Variants in SHOC1 observed in about 807,000 individuals in gnomAD.
The protein encoded by SHOC1 is shortage in chiasmata 1, also known as protein shortage in chiasmata 1 ortholog.
A neutral mutation model predicts 179.2 loss-of-function variants in SHOC1; 136 were observed. The ratio of observed to expected loss-of-function variants is 0.76; its 90% confidence interval spans 0.66 to 0.87. The LOEUF (loss-of-function observed/expected upper bound fraction) is 0.87, where lower values mean the gene tolerates loss of function less well. Among genes scored for constraint, SHOC1 ranks in the 40% least tolerant of loss-of-function variants. The pLI is 0.00. For synonymous variants in SHOC1, 489 were observed against 586.6 expected (o/e 0.83, Z 2.41); for missense variants, 1,538 against 1,700.8 (o/e 0.90, Z 1.68).
intron 16 of SHOC1, among the ~76,000 whole-genome samples, chr9:111,715,038 C>T (rs960041576): frequency 2.0e-5 from 3 of 152,142 alleles, no homozygotes; most frequent in Non-Finnish European, 2.9e-5. Context: ...ATCACTTAGC[C>T]TATAAGCTCT....
chr9:111,689,295 A>G (rs1425054543), intron 27 of SHOC1, among the ~76,000 whole-genome samples: 2 of 150,416 alleles, frequency 1.3e-5, no homozygotes, highest in African/African-American at 2.4e-5. Context: ...TGGAGGAGGG[A>G]TGATTCAGCC....
At chr9:111,702,375 ATGC>A (rs1467568192) in intron 22 of SHOC1, 149 bp from the exon 23 acceptor site, 9 of 580,288 alleles carry the variant, frequency 1.6e-5, no homozygotes, top group Non-Finnish European at 2.1e-5. Flanking sequence ...AATTAAAATC[ATGC>A]AGGAAGTAGT....
At chr9:111,777,397 A>G (rs1013537707) in intron 4 of SHOC1, among the ~76,000 whole-genome samples, 2 of 152,182 alleles carry the variant, frequency 1.3e-5, no homozygotes, top group Non-Finnish European at 2.9e-5. Context: ...TCAGAGTCAA[A>G]TCATACACTA....
chr9:111,723,195 T>C (rs1407137480), intron 14 of SHOC1, among the ~76,000 whole-genome samples: 1 of 152,220 alleles, frequency 6.6e-6, no homozygotes, highest in Non-Finnish European at 1.5e-5. Context: ...TAGCATATGA[T>C]CTTAAGCCAA....
chr9:111,789,177 A>C (rs1051851083), intron 2 of SHOC1, among the ~76,000 whole-genome samples: 16 of 152,338 alleles, frequency 1.1e-4, no homozygotes, highest in African/African-American at 3.8e-4. Context: ...GTGTTATAAC[A>C]TATTAAATAA....
rs765900257 is a variant in SHOC1, at chr9:111,781,750, A to AAATAAATAAATAAATAAATTAATTAATT, written c.170-734_170-733insAATTAATTAATTTATTTATTTATTTATT. Among the ~76,000 whole-genome samples the AAATAAATAAATAAATAAATTAATTAATT allele has an allele frequency of 1.2e-3, 176 of 150,996 alleles. 1 individual carries two copies. Among genetic ancestry groups the AAATAAATAAATAAATAAATTAATTAATT allele is most frequent in the African/African-American group, 3.9e-3 (159 of 41,078 alleles). On this transcript the variant is annotated intron_variant, in intron 3 of 27. Coordinates refer to ENST00000682961, the MANE Select transcript of SHOC1 (RefSeq NM_001378211.1). ...TAAATAAATAAATAAATAAATAAAT[A>AAATAAATAAATAAATAAATTAATTAATT]AATTTGTATGTGTACATAGCTTATC...
At chr9:111,715,172 A>C (rs1008898084) in intron 16 of SHOC1, among the ~76,000 whole-genome samples, 1 of 152,224 alleles carries the variant, frequency 6.6e-6, no homozygotes, top group Non-Finnish European at 1.5e-5. Context: ...GTTCATATTC[A>C]GTACATCTAG....
chr9:111,777,901 A>G, intron 4 of SHOC1, among the ~76,000 whole-genome samples: 1 of 152,302 alleles, frequency 6.6e-6, no homozygotes, highest in Admixed American at 6.5e-5. Flanking sequence ...AGAAAATACA[A>G]AGTAGAAGAA....
intron 8 of SHOC1, among the ~76,000 whole-genome samples, chr9:111,750,214 T>G (rs1834513231): frequency 6.6e-6 from 1 of 152,222 alleles, no homozygotes; most frequent in Admixed American, 6.5e-5. Context: ...TACTTTTTAA[T>G]AATAGCCATT....
At chr9:111,689,053 C>G (rs1399703127) in intron 27 of SHOC1, among the ~76,000 whole-genome samples, 3 of 151,950 alleles carry the variant, frequency 2.0e-5, no homozygotes, top group African/African-American at 7.3e-5. Context: ...GGGATATAAT[C>G]TCATAATTGC....
chr9:111,715,980 G>A (rs1387357210), intron 16 of SHOC1, among the ~76,000 whole-genome samples: 6 of 152,026 alleles, frequency 3.9e-5, no homozygotes, highest in Non-Finnish European at 8.8e-5. Flanking sequence ...CAGAATTCTG[G>A]CAGCCAGACC....
At chr9:111,782,719 A>G (rs539734998) in intron 3 of SHOC1, among the ~76,000 whole-genome samples, 1 of 152,262 alleles carries the variant, frequency 6.6e-6, no homozygotes, top group South Asian at 2.1e-4. Context: ...AGGTCTAAAA[A>G]AAAAACAAAA....
chr9:111,705,174 C>A, intron 21 of SHOC1, 73 bp downstream of exon 21: 1 of 552,626 alleles, frequency 1.8e-6, no homozygotes, highest in Non-Finnish European at 3.1e-6. Context: ...TATATATACA[C>A]ACACACACAC....
chr9:111,790,313 A>G (rs1353292217), intron 2 of SHOC1, among the ~76,000 whole-genome samples: 1 of 152,228 alleles, frequency 6.6e-6, no homozygotes, highest in Non-Finnish European at 1.5e-5. Flanking sequence ...CCACCCTAAT[A>G]TAATCCATCA....
At chr9:111,703,129 A>G (rs1832062554) in intron 22 of SHOC1, among the ~76,000 whole-genome samples, 1 of 152,190 alleles carries the variant, frequency 6.6e-6, no homozygotes, top group Non-Finnish European at 1.5e-5. Flanking sequence ...ACAAACAAAC[A>G]AACAGTTGTG....
At chr9:111,762,522 AT>A (rs1835181203) in intron 5 of SHOC1, among the ~76,000 whole-genome samples, 1 of 152,168 alleles carries the variant, frequency 6.6e-6, no homozygotes, top group South Asian at 2.1e-4. Flanking sequence ...TTTAAAAATA[AT>A]ATCATGTATA....
intron 18 of SHOC1, among the ~76,000 whole-genome samples, chr9:111,709,917 T>TA (rs200116125): frequency 1.5e-4 from 23 of 151,128 alleles, no homozygotes; most frequent in East Asian, 1.2e-3. Context: ...AAACTAAAAC[T>TA]AAAAAAAAAT....
chr9:111,695,550 C>T (rs62569949), intron 24 of SHOC1, among the ~76,000 whole-genome samples: 11,492 of 152,074 alleles, frequency 0.076, 648 homozygotes, highest in South Asian at 0.21. Flanking sequence ...TACATAAACA[C>T]GCTCTTTGAG....
chr9:111,713,258 T>C (rs749374582), intron 17 of SHOC1, 86 bp from the exon 18 acceptor site: 9 of 675,120 alleles, frequency 1.3e-5, no homozygotes, highest in Admixed American at 3.3e-5. Flanking sequence ...CAAACTTTAA[T>C]TGGTTCTATG....
Sources: allele counts gnomAD v4.1 joint callset (sites outside exome capture counted in the v4.1 genomes callset), GRCh38; gene constraint gnomAD v4.1.1; transcripts MANE v1.5; gene names NCBI Gene and HGNC (gene_info 2026-07-23, HGNC 2026-07-21).